Variants in USP25 observed in about 807,000 individuals in gnomAD.
The protein encoded by USP25 is ubiquitin carboxyl-terminal hydrolase 25.
A neutral mutation model predicts 158.5 loss-of-function variants in USP25; 85 were observed. The ratio of observed to expected loss-of-function variants is 0.54; its 90% CI spans 0.45 to 0.64. USP25 has a LOEUF of 0.64. Ranked by LOEUF, USP25 falls within the 30% of genes least tolerant of loss-of-function variation. The pLI, the probability that USP25 is intolerant of heterozygous loss-of-function variation, is 0.00. For synonymous variants in USP25, 464 were observed against 460.4 expected (o/e 1.01, Z -0.10); for missense variants, 1,242 against 1,327.3 (o/e 0.94, Z 1.00).
chr21:15,831,395 A>G lies in USP25; in HGVS notation c.1765-6A>G. The stretch of plus-strand genomic sequence containing the variant: ...GCAGTTTAACTCTTCTTTTTTTCAC[A>G]TTTAGGTTCCTTATCGATTACATGC... On this transcript the variant is annotated splice_region_variant and splice_polypyrimidine_tract_variant and intron_variant, in intron 15 of 25. Transcript: ENST00000400183. 3 of 1,613,202 alleles carry G rather than the reference A, an allele frequency of 1.9e-6. No homozygotes were observed. In the South Asian group the frequency reaches 3.3e-5, roughly 18 times the overall value.
At chr21:15,735,890 A>G (rs2031445600) in intron 1 of USP25, among the ~76,000 whole-genome samples, 1 of 151,530 alleles carries the variant, frequency 6.6e-6, no homozygotes, top group African/African-American at 2.4e-5. Context: ...CAAATTTTAA[A>G]TTTTTTTAGT....
intron 18 of USP25, among the ~76,000 whole-genome samples, chr21:15,844,148 A>G (rs2038469015): frequency 6.6e-6 from 1 of 152,122 alleles, no homozygotes. Context: ...GCCCCATTGC[A>G]TATGTAAATC....
At chr21:15,795,679 G>T (rs2146232241) in intron 5 of USP25, among the ~76,000 whole-genome samples, 1 of 151,604 alleles carries the variant, frequency 6.6e-6, no homozygotes, top group South Asian at 2.1e-4. Context: ...CAATTTGACT[G>T]ATTTTTCTGA....
At chr21:15,735,570 C>T (rs1227584868) in intron 1 of USP25, among the ~76,000 whole-genome samples, 1 of 152,106 alleles carries the variant, frequency 6.6e-6, no homozygotes, top group Non-Finnish European at 1.5e-5. Flanking sequence ...AATGAGATTG[C>T]TTACAAGGTT....
At chr21:15,759,650 A>G (rs1157564943) in intron 1 of USP25, among the ~76,000 whole-genome samples, 1 of 152,176 alleles carries the variant, frequency 6.6e-6, no homozygotes, top group African/African-American at 2.4e-5. Flanking sequence ...TATCATGCAA[A>G]TGAAGCCTCC....
chr21:15,808,367 G>T (rs201904732), intron 7 of USP25, among the ~76,000 whole-genome samples: 12 of 124,644 alleles, frequency 9.6e-5, no homozygotes, highest in African/African-American at 3.3e-4. Context: ...ATTAAGAAAA[G>T]TGAATTGTGG....
intron 5 of USP25, among the ~76,000 whole-genome samples, chr21:15,798,525 G>T (rs2035972715): frequency 6.6e-6 from 1 of 150,900 alleles, no homozygotes; most frequent in Admixed American, 6.6e-5. Context: ...ATCCCTTCTG[G>T]TTTATTACTT....
intron 20 of USP25, among the ~76,000 whole-genome samples, chr21:15,853,880 C>A (rs2039009899): frequency 6.6e-6 from 1 of 152,036 alleles, no homozygotes; most frequent in African/African-American, 2.4e-5. Context: ...GAGCCTAGCG[C>A]CTTCTTGCGG....
At position 15,797,671 on chromosome 21, in the gene USP25, T is replaced by C. The variant is rs535742823; in HGVS notation, c.556-2086T>C. ...AATAGAAGTGGGATTGAAATTCTTC[T>C]AACCTGCCAAGATTCTCTTTCCTCT... On this transcript the variant is annotated intron_variant, in intron 5 of 25. Coordinates refer to ENST00000400183, the MANE Select transcript of USP25 (RefSeq NM_001283041.3). Among the ~76,000 whole-genome samples, 10 of 151,450 alleles carry C rather than the reference T, an allele frequency of 6.6e-5. No homozygotes were observed. In the South Asian group the frequency reaches 2.1e-3, roughly 31 times the overall value.
At chr21:15,765,917 T>C in intron 2 of USP25, 80 bp from the exon 3 acceptor site, 1 of 1,434,600 alleles carries the variant, frequency 7.0e-7, no homozygotes, top group African/African-American at 1.4e-5. Context: ...TTCTAGAGAG[T>C]TATGGAGAAT....
intron 17 of USP25, among the ~76,000 whole-genome samples, chr21:15,836,833 C>G (rs1362552724): frequency 7.4e-6 from 1 of 134,798 alleles, no homozygotes; most frequent in African/African-American, 2.8e-5. Flanking sequence ...CCTTTGCTGT[C>G]AGTGTGTGGA....
chr21:15,876,547 G>A, intron 24 of USP25: 1 of 167,142 alleles, frequency 6.0e-6, no homozygotes, highest in Non-Finnish European at 1.2e-5. Context: ...TCACATGGTG[G>A]CAGGAGAGAG....
At position 15,799,816 on chromosome 21, in the gene USP25, T is replaced by A; in HGVS notation, c.615T>A (p.Asn205Lys). 1 of 1,604,968 alleles carries A rather than the reference T, an allele frequency of 6.2e-7. No homozygotes were observed. ...TTCTGAATTACAAGCCTCCATCAAA[T>A]GCTCAAGATTTACCCCGAAACCAAA... Reference protein sequence around the residue: ...RLVLNYKPPSNAQDLPRNQKE... With the variant: ...RLVLNYKPPSKAQDLPRNQKE... The change falls in exon 6 of 26, where the codon AAT becomes AAA. Residue 205 changes from asparagine (N) to lysine (K), a missense_variant. This residue lies in a region of USP25 where 627 missense variants were observed against 701.4 expected (regional missense o/e 0.89). Coordinates refer to ENST00000400183, the MANE Select transcript of USP25 (RefSeq NM_001283041.3).
chr21:15,818,902 A>G (rs1042720252), intron 10 of USP25, 56 bp downstream of exon 10: 12 of 1,563,750 alleles, frequency 7.7e-6, no homozygotes, highest in South Asian at 3.4e-5. Flanking sequence ...TTACAATGCT[A>G]TAGCACAATG....
At chr21:15,812,643 T>C (rs2036726100) in intron 9 of USP25, among the ~76,000 whole-genome samples, 1 of 148,066 alleles carries the variant, frequency 6.8e-6, no homozygotes, top group Non-Finnish European at 1.5e-5. Flanking sequence ...AGAGCGAGAC[T>C]CCGTCTCAAA....
At position 15,849,798 on chromosome 21, in the gene USP25, C is replaced by G. The variant is rs1406244551; in HGVS notation, c.2473C>G (p.Gln825Glu). ...GCAGATCATGATGACACCGAACATG[C>G]AAGGTATTATCATGGCGATAGGTAA... Reference protein sequence around the residue: ...DDEIMMTPNMQGIIMAIGKSR... With the variant: ...DDEIMMTPNMEGIIMAIGKSR... The change falls in exon 20 of 26, where the codon CAA becomes GAA. Residue 825 changes from glutamine to glutamate, a missense_variant. Coordinates refer to ENST00000400183, the MANE Select transcript of USP25 (RefSeq NM_001283041.3). The G allele has an allele frequency of 3.2e-6, 5 of 1,539,122 alleles. No individual in the cohort carries two copies. In the East Asian group the frequency reaches 1.2e-4, roughly 38 times the overall value.
chr21:15,767,899 T>C (rs2034134311), intron 3 of USP25, among the ~76,000 whole-genome samples: 1 of 152,098 alleles, frequency 6.6e-6, no homozygotes, highest in Non-Finnish European at 1.5e-5. Flanking sequence ...GAGAAAATAC[T>C]GCATAAGGCA....
chr21:15,846,113 T>TGG (rs2038574512), intron 18 of USP25, among the ~76,000 whole-genome samples: 2 of 96,556 alleles, frequency 2.1e-5, no homozygotes, highest in African/African-American at 1.1e-4. Context: ...TATATGTGTG[T>TGG]GTGTGTGTGT....
At chr21:15,867,217 C>CT (rs570151393) in intron 22 of USP25, among the ~76,000 whole-genome samples, 1 of 151,564 alleles carries the variant, frequency 6.6e-6, no homozygotes, top group Non-Finnish European at 1.5e-5. Flanking sequence ...TATGCATTGT[C>CT]TTTTTTTTAA....
Sources: allele counts gnomAD v4.1 joint callset (sites outside exome capture counted in the v4.1 genomes callset), GRCh38; gene constraint gnomAD v4.1.1; regional missense constraint gnomAD v4.1.1; transcripts MANE v1.5; gene names NCBI Gene and HGNC (gene_info 2026-07-23, HGNC 2026-07-21).